The following SCN4A variants were observed in gnomAD, a reference collection of about 807,000 sequenced individuals.
The protein encoded by SCN4A is sodium channel protein type 4 subunit alpha.
A neutral mutation model predicts 162.0 loss-of-function variants in SCN4A; 83 were observed. The observed-to-expected ratio is 0.51, with a 90% CI of 0.43 to 0.61. SCN4A has a LOEUF of 0.61. Among genes scored for constraint, SCN4A ranks in the 20% least tolerant of loss-of-function variants. The pLI is 0.00. For missense variants in SCN4A, 2,196 were observed against 2,462.5 expected (o/e 0.89, Z 2.29); for synonymous variants, 944 against 985.1 (o/e 0.96, Z 0.78).
In SCN4A at chr17:63,972,392, T is replaced by A; in HGVS notation, c.352A>T (p.Ser118Cys). The A allele has an allele frequency of 6.2e-7, 1 of 1,613,888 alleles. No individual in the cohort carries two copies. Among genetic ancestry groups the A allele is most frequent in the Non-Finnish European group, 8.5e-7 (1 of 1,179,852 alleles). The change falls in exon 2 of 24, where the codon AGC becomes TGC. Residue 118 changes from serine to cysteine, a missense_variant. By Grantham distance (112) the Ser-to-Cys change is moderately radical. Transcript: ENST00000435607. The surrounding 1 kb of genome is among the most constrained non-coding windows in gnomAD (Gnocchi z 4.3). ...TTGATGGCCCCGCGCCTGACTACGC[T>A]GAAGGGGCTCAGCAGGTAGAGAGCA... ...TPALYLLSPF[S>C]VVRRGAIKVL... is the part of the protein sequence containing the mutation.
intron 13 of SCN4A, 40 bp downstream of exon 13, chr17:63,957,121 TC>T: frequency 7.3e-7 from 1 of 1,372,588 alleles, no homozygotes; most frequent in Non-Finnish European, 1.0e-6. Context: ...CTTGTACGCT[TC>T]CCGGGTGAGG....
In SCN4A at chr17:63,945,340, G is replaced by T. The variant is rs1187897404; in HGVS notation, c.3720+20C>A. The T allele has an allele frequency of 1.2e-5, 19 of 1,596,438 alleles. No homozygotes were observed. Among genetic ancestry groups the T allele is most frequent in the Non-Finnish European group, 1.6e-5 (19 of 1,166,312 alleles). On this transcript the variant is annotated intron_variant, in intron 19 of 23. Transcript: ENST00000435607. The surrounding 1 kb of genome is among the most constrained non-coding windows in gnomAD (Gnocchi z 4.4). ...GCACCTCCATCCAGGTTCCCGGCAG[G>T]GGTGGTGGGTCACACTCACCACCTG...
intron 11 of SCN4A, 101 bp from the exon 12 acceptor site, chr17:63,959,539 G>T: frequency 9.1e-7 from 1 of 1,094,258 alleles, no homozygotes; most frequent in Non-Finnish European, 1.4e-6. Context: ...TGCGGGGGCG[G>T]AGGGGAAGGG....
chr17:63,961,384 C>T lies in SCN4A; in HGVS notation c.1654G>A (p.Ala552Thr), dbSNP rs552714913. Residue 552 changes from alanine to threonine, a missense_variant, in exon 11 of 24, where the codon GCC becomes ACC. Physicochemically the swap from Ala to Thr is moderately conservative, Grantham distance 58. Coordinates refer to ENST00000435607, the MANE Select transcript of SCN4A (RefSeq NM_000334.4). ...QKCPPWWYKC[A>T]HKVLIWNCCA... ...CAGTTCCATATGAGCACTTTGTGGGCGCACTTGTACCACCATGGTGGGCAC... is the reference window on the plus strand; with the variant it reads ...CAGTTCCATATGAGCACTTTGTGGGTGCACTTGTACCACCATGGTGGGCAC... 9.9e-6 allele frequency: 16 copies of T among 1,613,802 alleles called. No homozygotes were observed. The highest frequency in any genetic ancestry group is 1.4e-5 in the Non-Finnish European group (16 of 1,179,788).
chr17:63,971,727 C>G lies in SCN4A; in HGVS notation c.606G>C (p.Met202Ile). 1.3e-6 allele frequency: 2 copies of G among 1,597,216 alleles called. No individual in the cohort carries two copies. Reference protein sequence around the residue: ...PWNWLDFSVIMMAYLTEFVDL... With the variant: ...PWNWLDFSVIIMAYLTEFVDL... ...GTCCTGGGGCCCCTGCTCACGCCAT[C>G]ATGATGACACTGAAGTCCAGCCAGT... Residue 202 changes from methionine (M) to isoleucine (I), a missense_variant, in exon 4 of 24, where the codon ATG (methionine) becomes ATC (isoleucine). Transcript: ENST00000435607.
chr17:63,961,619 T>A, intron 10 of SCN4A, 188 bp from the exon 11 acceptor site: 1 of 358,956 alleles, frequency 2.8e-6, no homozygotes, highest in Admixed American at 3.7e-5. Context: ...CCCTGTAACC[T>A]CCGCCCCACA....
At chr17:63,955,024 T>C (rs189918048) in intron 13 of SCN4A, among the ~76,000 whole-genome samples, 8 of 152,270 alleles carry the variant, frequency 5.3e-5, no homozygotes, top group Admixed American at 5.2e-4. Context: ...TGAATACATG[T>C]GAAGCACCCA....
chr17:63,957,271 C>A lies in SCN4A; in HGVS notation c.2267G>T (p.Arg756Leu), dbSNP rs1343607212. 1 of 1,614,078 alleles carries A rather than the reference C, an allele frequency of 6.2e-7. No individual in the cohort carries two copies. Among genetic ancestry groups the A allele is most frequent in the Non-Finnish European group, 8.5e-7 (1 of 1,179,948 alleles). Residue 756 changes from arginine to leucine, a missense_variant, in exon 13 of 24, where the codon CGC becomes CTC. Coordinates refer to ENST00000435607, the MANE Select transcript of SCN4A (RefSeq NM_000334.4). ...DFFHSFLIVF[R>L]ILCGEWIETM... ...CTCGATCCACTCCCCGCACAGGATG[C>A]GGAAGACGATGAGGAAGGAGTGGAA...
rs1180739320 is a variant in SCN4A at position 63,951,748 on chromosome 17, C to G, written c.2529G>C (p.Leu843=). 1 of 1,588,230 alleles carries G rather than the reference C, an allele frequency of 6.3e-7. No homozygotes were observed. The highest frequency in any genetic ancestry group is 1.1e-5 in the South Asian group (1 of 87,550). ...IGFAKAFLLG[L]LHGKILSPKD... ...TGGGGCTCAGGATCTTGCCATGCAGCAGCCCCAGGAGGAAGGCCTTGGCAA... is the reference window on the plus strand; with the variant it reads ...TGGGGCTCAGGATCTTGCCATGCAGGAGCCCCAGGAGGAAGGCCTTGGCAA... The change falls in exon 14 of 24, where the codon CTG becomes CTC. Residue 843 remains leucine, a synonymous_variant. Transcript: ENST00000435607. This position sits in a 1 kb window ranked among gnomAD's most constrained non-coding sequence, Gnocchi z 4.5.
chr17:63,944,295 A>G lies in SCN4A; in HGVS notation c.3912+378T>C, dbSNP rs1233723989. Among the ~76,000 whole-genome samples, 1 of 152,016 alleles carries G rather than the reference A, an allele frequency of 6.6e-6. No homozygotes were observed. Among genetic ancestry groups the G allele is most frequent in the Non-Finnish European group, 1.5e-5 (1 of 68,006 alleles). ...GCTGGGATTACAGATGCCTGCCACC[A>G]CGCCTGGCTAATTTCTTTTTTTAAT... On this transcript the variant is annotated intron_variant, in intron 21 of 23. Coordinates refer to ENST00000435607, the MANE Select transcript of SCN4A (RefSeq NM_000334.4). The surrounding 1 kb of genome is among the most constrained non-coding windows in gnomAD (Gnocchi z 4.3).
chr17:63,971,695 T>A, intron 4 of SCN4A, 27 bp downstream of exon 4: 1 of 1,553,746 alleles, frequency 6.4e-7, no homozygotes, highest in Non-Finnish European at 8.7e-7. Flanking sequence ...CACCCCAGCC[T>A]CAGGATGTCC....
chr17:63,942,222 T>G lies in SCN4A; in HGVS notation c.4289-229A>C, dbSNP rs189934186. Among the ~76,000 whole-genome samples the G allele has an allele frequency of 3.3e-5, 5 of 151,792 alleles. No individual in the cohort carries two copies. The East Asian group carries it at 9.7e-4, about 29-fold the overall frequency. Reference sequence around the variant, plus strand: ...TGGGATACCCTGAAGTGGGGGAGTGTAAGGCCCATTCCCAAGGCTGTTTGC... The same window carrying G: ...TGGGATACCCTGAAGTGGGGGAGTGGAAGGCCCATTCCCAAGGCTGTTTGC... On this transcript the variant is annotated intron_variant, in intron 23 of 23. Coordinates refer to ENST00000435607, the MANE Select transcript of SCN4A (RefSeq NM_000334.4).
intron 13 of SCN4A, among the ~76,000 whole-genome samples, chr17:63,955,441 G>A (rs73992421): frequency 0.056 from 8,524 of 152,230 alleles, 772 homozygotes; most frequent in African/African-American, 0.19. Flanking sequence ...AAGCGCATGC[G>A]TAACATAATC....
Position 63,968,147 on chromosome 17 carries a change from G to C in SCN4A, c.912C>G (p.Asp304Glu). 1 of 1,613,872 alleles carries C rather than the reference G, an allele frequency of 6.2e-7. No homozygotes were observed. Among genetic ancestry groups the C allele is most frequent in the Non-Finnish European group, 8.5e-7 (1 of 1,179,852 alleles). ...ACCACATCTCATTGCCATACCATGT[G>C]TCATTGCCGTACCACGTGTCATTGC... ...WYSNDTWYGN[D>E]TWYGNEMWYG... The change falls in exon 6 of 24, where the codon GAC (aspartate) becomes GAG (glutamate). Residue 304 changes from aspartate to glutamate, a missense_variant. Asp to Glu is a conservative substitution (Grantham distance 45). Coordinates refer to ENST00000435607, the MANE Select transcript of SCN4A (RefSeq NM_000334.4).
At chr17:63,967,049 GC>G (rs1909471781) in intron 6 of SCN4A, among the ~76,000 whole-genome samples, 1 of 152,180 alleles carries the variant, frequency 6.6e-6, no homozygotes, top group South Asian at 2.1e-4. Flanking sequence ...TGGTGACCCT[GC>G]CAGGATGTGA....
chr17:63,965,644 A>C (rs1432254218), intron 8 of SCN4A, among the ~76,000 whole-genome samples: 1 of 152,010 alleles, frequency 6.6e-6, no homozygotes, highest in Non-Finnish European at 1.5e-5. Flanking sequence ...CCGTGCCACC[A>C]TACCCGGCTA....
At chr17:63,952,769 C>T (rs1380821547) in intron 13 of SCN4A, among the ~76,000 whole-genome samples, 1 of 152,182 alleles carries the variant, frequency 6.6e-6, no homozygotes, top group Non-Finnish European at 1.5e-5. Flanking sequence ...CCAGCACCCC[C>T]ACCCACTTTA....
chr17:63,961,645 G>C (rs1597980491), intron 10 of SCN4A: 6 of 348,776 alleles, frequency 1.7e-5, no homozygotes, highest in South Asian at 2.4e-5. Context: ...TCACCCCAAA[G>C]CCCCGCGCTC....
chr17:63,944,906 T>C lies in SCN4A; in HGVS notation c.3775-96A>G. 6.3e-7 allele frequency: 1 copy of C among 1,593,814 alleles called. No individual in the cohort carries two copies. Among genetic ancestry groups the C allele is most frequent in the South Asian group, 1.1e-5 (1 of 89,060 alleles). ...GGCAGGACCCATCCACCCCCAGGGC[T>C]GCCAAGTCTCGGGGACAGAACGTGC... On this transcript the variant is annotated intron_variant, in intron 20 of 23. Transcript: ENST00000435607. This position sits in a 1 kb window ranked among gnomAD's most constrained non-coding sequence, Gnocchi z 4.3.
Sources: gnomAD v4.1 joint callset for allele counts (sites outside exome capture counted in the v4.1 genomes callset) on GRCh38, gnomAD v4.1.1 for gene constraint, Gnocchi (gnomAD v3.1) non-coding constraint, MANE v1.5 for transcripts, NCBI Gene and HGNC (gene_info 2026-07-23, HGNC 2026-07-21) for gene names.